The following WWOX variants were observed in gnomAD, a reference collection of about 807,000 sequenced individuals.
The protein encoded by WWOX is WW domain containing oxidoreductase, also known as WW domain-containing oxidoreductase.
Under a neutral mutation model 46.2 loss-of-function variants are expected in WWOX, and 69 were observed. That is an observed-to-expected ratio of 1.49 (90% CI 1.23 to 1.82). The LOEUF (loss-of-function observed/expected upper bound fraction) is 1.82, where lower values mean the gene tolerates loss of function less well. Ranked by LOEUF, WWOX falls within the 40% of genes most tolerant of loss-of-function variation. WWOX has a pLI of 0.00. For synonymous variants in WWOX, 359 were observed against 202.6 expected (o/e 1.77, Z -6.56); for missense variants, 919 against 542.6 (o/e 1.69, Z -6.89).
Position 78,897,031 on chromosome 16 carries a change from C to T in WWOX, c.1057-314577C>T, listed in dbSNP as rs538529782. 1.2e-4 allele frequency: 18 copies of T among 149,592 alleles called. No homozygotes were observed. The East Asian group carries it at 3.3e-3, about 28-fold the overall frequency. The allele number at this position is 149,592 out of a possible 1,614,324, so 9.3% of individuals were successfully genotyped here. A position where few individuals can be genotyped will look rare whatever the true frequency, so the allele number is the denominator to read the frequency against. On this transcript the variant is annotated intron_variant, in intron 8 of 8. Transcript: ENST00000566780. ...CCACTTGAGGCCAGGAGTTTGAGATCAGTCTGGGCAACAGGGTGAAACCCC... is the reference window on the plus strand; with the variant it reads ...CCACTTGAGGCCAGGAGTTTGAGATTAGTCTGGGCAACAGGGTGAAACCCC...
At chr16:78,685,207 C>G (rs898523662) in intron 8 of WWOX, among the ~76,000 whole-genome samples, 2 of 152,164 alleles carry the variant, frequency 1.3e-5, no homozygotes, top group Admixed American at 1.3e-4. Context: ...CTTGTCCACC[C>G]TCAGCCAGGG....
intron 8 of WWOX, among the ~76,000 whole-genome samples, chr16:78,979,495 A>T (rs1471021004): frequency 1.3e-5 from 2 of 152,078 alleles, no homozygotes; most frequent in Non-Finnish European, 2.9e-5. Context: ...TTTGCTCAGG[A>T]CTGAATTAGA....
chr16:78,787,448 C>G (rs36049382), intron 8 of WWOX, among the ~76,000 whole-genome samples: 3,121 of 152,222 alleles, frequency 0.021, 61 homozygotes, highest in Middle Eastern at 0.031. Context: ...TGGCTTCTTG[C>G]TTTTAGCATG....
chr16:78,637,332 C>T (rs889720869), intron 8 of WWOX, among the ~76,000 whole-genome samples: 1 of 151,896 alleles, frequency 6.6e-6, no homozygotes, highest in Admixed American at 6.6e-5. Flanking sequence ...ATCCCAGCTA[C>T]TTGGAGGCTG....
chr16:78,977,518 G>A (rs921230811), intron 8 of WWOX, among the ~76,000 whole-genome samples: 4 of 152,068 alleles, frequency 2.6e-5, no homozygotes, highest in East Asian at 1.9e-4. Context: ...CACCATAGAC[G>A]CCCTCTCTGC....
At chr16:78,981,087 A>T (rs2046672327) in intron 8 of WWOX, among the ~76,000 whole-genome samples, 1 of 152,132 alleles carries the variant, frequency 6.6e-6, no homozygotes, top group South Asian at 2.1e-4. Context: ...GCCTCATTCG[A>T]GTTCTTCCTG....
At chr16:79,029,386 C>G (rs965077483) in intron 8 of WWOX, among the ~76,000 whole-genome samples, 1 of 152,160 alleles carries the variant, frequency 6.6e-6, no homozygotes, top group Admixed American at 6.5e-5. Flanking sequence ...ACACAGTAAA[C>G]CCATCATGTC....
At chr16:79,054,014 G>A (rs549696410) in intron 8 of WWOX, among the ~76,000 whole-genome samples, 1 of 152,024 alleles carries the variant, frequency 6.6e-6, no homozygotes, top group Admixed American at 6.6e-5. Flanking sequence ...ATCAGAGCAG[G>A]ACATGAACAG....
chr16:78,907,705 G>C (rs2045002370), intron 8 of WWOX, among the ~76,000 whole-genome samples: 2 of 152,166 alleles, frequency 1.3e-5, no homozygotes, highest in African/African-American at 4.8e-5. Context: ...AAGACAGTTG[G>C]GTAAGTTACT....
At chr16:78,327,465 G>A (rs554850227) in intron 5 of WWOX, among the ~76,000 whole-genome samples, 2 of 152,250 alleles carry the variant, frequency 1.3e-5, no homozygotes, top group South Asian at 4.2e-4. Flanking sequence ...CCACTGGGCA[G>A]GACACAGAAG....
chr16:78,640,336 C>T (rs757466134), intron 8 of WWOX, among the ~76,000 whole-genome samples: 1 of 146,746 alleles, frequency 6.8e-6, no homozygotes, highest in Non-Finnish European at 1.5e-5. Context: ...CTCTGACTTC[C>T]CTTGAAAATT....
chr16:78,117,374 C>G (rs1423283167), intron 4 of WWOX, among the ~76,000 whole-genome samples: 4 of 152,032 alleles, frequency 2.6e-5, no homozygotes, highest in Admixed American at 1.3e-4. Flanking sequence ...ACACTGTCAC[C>G]TCACCCCATT....
chr16:79,137,777 C>T (rs529047110), intron 8 of WWOX, among the ~76,000 whole-genome samples: 300 of 152,222 alleles, frequency 2.0e-3, no homozygotes, highest in Middle Eastern at 6.8e-3. Context: ...GTGTTCCTCC[C>T]CTTCTTCCTT....
chr16:79,061,555 T>C (rs1376062967), intron 8 of WWOX, among the ~76,000 whole-genome samples: 1 of 152,150 alleles, frequency 6.6e-6, no homozygotes, highest in Non-Finnish European at 1.5e-5. Context: ...GAGAGTTAGT[T>C]TATTTAGAAA....
chr16:78,787,709 C>T (rs552823165), intron 8 of WWOX, among the ~76,000 whole-genome samples: 3 of 152,098 alleles, frequency 2.0e-5, no homozygotes, highest in African/African-American at 7.2e-5. Flanking sequence ...GGTAATATGG[C>T]AATTTTATAT....
chr16:78,841,551 C>T (rs1448590746), intron 8 of WWOX, among the ~76,000 whole-genome samples: 1 of 152,018 alleles, frequency 6.6e-6, no homozygotes. Context: ...GTTGGTTTAC[C>T]AATATGATGT....
In WWOX at chr16:78,313,554, C is replaced by A. The variant is rs147104896; in HGVS notation, c.517-73306C>A. Among the ~76,000 whole-genome samples the A allele has an allele frequency of 6.6e-3, 997 of 152,170 alleles. 14 individuals carry two copies. The highest frequency in any genetic ancestry group is 0.023 in the African/African-American group (940 of 41,514). The stretch of plus-strand genomic sequence containing the variant: ...CTAATTTTTGTGTTTTTAGTAGAGA[C>A]GGGGTTTCTCCATGTTGGTCAGGCT... On this transcript the variant is annotated intron_variant, in intron 5 of 8. Coordinates refer to ENST00000566780, the MANE Select transcript of WWOX (RefSeq NM_016373.4).
intron 8 of WWOX, among the ~76,000 whole-genome samples, chr16:78,733,591 C>T (rs562942886): frequency 3.0e-5 from 4 of 135,214 alleles, no homozygotes; most frequent in East Asian, 2.2e-4. Flanking sequence ...ACTGAAAATA[C>T]AAAAAAAAAA....
chr16:78,335,277 C>T (rs369020649), intron 5 of WWOX, among the ~76,000 whole-genome samples: 3 of 152,184 alleles, frequency 2.0e-5, no homozygotes, highest in African/African-American at 7.2e-5. Flanking sequence ...TGCTGATGCT[C>T]TTCCCACCAC....
Sources: gnomAD v4.1 joint callset for allele counts (sites outside exome capture counted in the v4.1 genomes callset) on GRCh38, gnomAD v4.1.1 for gene constraint, MANE v1.5 for transcripts, NCBI Gene and HGNC (gene_info 2026-07-23, HGNC 2026-07-21) for gene names.